The following CELF2 variants were observed in gnomAD, a reference collection of about 807,000 sequenced individuals.
CELF2 encodes the protein CUGBP Elav-like family member 2.
In CELF2, 8 loss-of-function variants were observed where a neutral mutation model predicts 62.6. That is an observed-to-expected ratio of 0.13 (90% CI 0.07 to 0.23). The LOEUF (loss-of-function observed/expected upper bound fraction) is 0.23. Among genes scored for constraint, CELF2 ranks in the 10% least tolerant of loss-of-function variants. The probability of loss-of-function intolerance (pLI) is 1.00; values close to 1 mark genes in which losing one functional copy is unlikely to be tolerated. For synonymous variants in CELF2, 258 were observed against 250.0 expected (o/e 1.03, Z -0.30); for missense variants, 333 against 671.0 (o/e 0.50, Z 5.56).
At chr10:10,899,833 A>T (rs530721434) in intron 1 of CELF2, among the ~76,000 whole-genome samples, 14 of 152,276 alleles carry the variant, frequency 9.2e-5, no homozygotes, top group Non-Finnish European at 1.8e-4. Flanking sequence ...CTCACTCACT[A>T]TCATGAGAAC....
chr10:10,892,958 G>A (rs1185560098), intron 1 of CELF2, among the ~76,000 whole-genome samples: 1 of 152,180 alleles, frequency 6.6e-6, no homozygotes, highest in East Asian at 1.9e-4. Context: ...CAAAGAAAGA[G>A]GAAAATGTTG....
intron 1 of CELF2, among the ~76,000 whole-genome samples, chr10:10,849,223 C>T (rs1564713822): frequency 6.6e-6 from 1 of 151,074 alleles, no homozygotes; most frequent in Admixed American, 6.6e-5. Flanking sequence ...ATAGTGAAAC[C>T]CTATCTCTAC....
chr10:10,621,397 A>T, the CELF2 span, among the ~76,000 whole-genome samples: 1 of 152,160 alleles, frequency 6.6e-6, no homozygotes, highest in Non-Finnish European at 1.5e-5. Context: ...AACATTCCCT[A>T]TGGCACATTT....
At chr10:10,864,649 G>C (rs766511199) in intron 1 of CELF2, among the ~76,000 whole-genome samples, 9 of 152,102 alleles carry the variant, frequency 5.9e-5, no homozygotes, top group Non-Finnish European at 1.3e-4. Context: ...TAAGGGCACT[G>C]ATTCCATTGT....
chr10:10,931,816 T>C lies in CELF2; in HGVS notation c.89+11817T>C, dbSNP rs1212902251. 6.6e-6 allele frequency among the ~76,000 whole-genome samples: 1 copy of C among 152,166 alleles called. No homozygotes were observed. The highest frequency in any genetic ancestry group is 1.9e-4 in the East Asian group (1 of 5,188). The stretch of plus-strand genomic sequence containing the variant: ...CACAACTGAGTAATTTATAAAGACA[T>C]GAGGTTTAATGGACTCACAGTTCCA... On this transcript the variant is annotated intron_variant, in intron 2 of 13. Coordinates refer to the CELF2 transcript ENST00000636488. This position sits in a 1 kb window ranked among gnomAD's most constrained non-coding sequence, Gnocchi z 6.1.
chr10:10,600,622 T>C, the CELF2 span, among the ~76,000 whole-genome samples: 15 of 152,108 alleles, frequency 9.9e-5, no homozygotes, highest in African/African-American at 3.4e-4. Flanking sequence ...ACAAACATAA[T>C]AATCCAAAAT....
At chr10:11,172,251 T>C (rs1419509028) in intron 2 of CELF2, among the ~76,000 whole-genome samples, 1 of 152,226 alleles carries the variant, frequency 6.6e-6, no homozygotes, top group Non-Finnish European at 1.5e-5. Flanking sequence ...TGTTACTTAC[T>C]GTGACATCCT....
chr10:10,658,486 A>G, the CELF2 span, among the ~76,000 whole-genome samples: 3 of 152,216 alleles, frequency 2.0e-5, no homozygotes, highest in African/African-American at 4.8e-5. Context: ...ACATAAATCT[A>G]TACATGCTGG....
At chr10:10,883,975 C>G (rs1385575568) in intron 1 of CELF2, among the ~76,000 whole-genome samples, 1 of 151,458 alleles carries the variant, frequency 6.6e-6, no homozygotes, top group Non-Finnish European at 1.5e-5. Flanking sequence ...TTTTGTCCTC[C>G]TCTCTCTACA....
chr10:10,560,384 C>A, the CELF2 span, among the ~76,000 whole-genome samples: 1 of 152,154 alleles, frequency 6.6e-6, no homozygotes, highest in Non-Finnish European at 1.5e-5. Context: ...CTATTACTAA[C>A]GGATTACCAA....
the CELF2 span, among the ~76,000 whole-genome samples, chr10:10,700,461 G>A: frequency 3.9e-5 from 6 of 152,154 alleles, no homozygotes; most frequent in African/African-American, 1.4e-4. Context: ...TTTAAAACAG[G>A]TGGGCTGACC....
At chr10:10,646,367 C>T in the CELF2 span, among the ~76,000 whole-genome samples, 24,637 of 152,254 alleles carry the variant, frequency 0.16, 2,149 homozygotes, top group South Asian at 0.24. Flanking sequence ...ACGAAAGCCA[C>T]GGCTAATTGA....
chr10:11,290,178 G>A lies in CELF2; in HGVS notation c.976+1626G>A, dbSNP rs1215645102. ...GGACAGATGTGCTGCCTACCTTCGG[G>A]AGTCCTTCAGTCCTTCAGGGACTTG... On this transcript the variant is annotated intron_variant, in intron 9 of 12. Transcript: ENST00000633077. This position sits in a 1 kb window ranked among gnomAD's most constrained non-coding sequence, Gnocchi z 4.3. Among the ~76,000 whole-genome samples the A allele has an allele frequency of 3.3e-5, 5 of 152,168 alleles. No individual in the cohort carries two copies. Among genetic ancestry groups the A allele is most frequent in the Admixed American group, 2.6e-4 (4 of 15,272 alleles).
At position 11,330,590 on chromosome 10, in the gene CELF2, G is replaced by C. The variant is rs1426144641; in HGVS notation, c.*1537G>C. The C allele has an allele frequency of 6.6e-6, 1 of 152,282 alleles. No individual in the cohort carries two copies. Among genetic ancestry groups the C allele is most frequent in the Non-Finnish European group, 1.5e-5 (1 of 67,994 alleles). 9.4% of individuals were successfully genotyped at this position (152,282 alleles called of 1,614,324 possible). On this transcript the variant is annotated 3_prime_UTR_variant, in exon 13 of 13. Coordinates refer to ENST00000633077, the MANE Select transcript of CELF2 (RefSeq NM_001326342.2). This position sits in a 1 kb window ranked among gnomAD's most constrained non-coding sequence, Gnocchi z 4.5. The stretch of plus-strand genomic sequence containing the variant: ...ATATTTGGTTCTCCTACTGACCTTT[G>C]ATCTAGTTTGACCTTTGAAATTTGC...
chr10:10,666,728 A>G, the CELF2 span, among the ~76,000 whole-genome samples: 40 of 122,968 alleles, frequency 3.3e-4, 9 homozygotes, highest in South Asian at 7.8e-4. Flanking sequence ...CGGGCGTGGT[A>G]GCGGGCGCCT....
In CELF2 at chr10:11,296,434, C is replaced by A. The variant is rs969444592; in HGVS notation, c.976+7882C>A. ...CACTAAATCACAGAAATTTTTATTT[C>A]TGTGATCTTGTATGATACAAACATG... is the stretch of plus-strand genomic sequence containing the variant. On this transcript the variant is annotated intron_variant, in intron 9 of 12. Coordinates refer to ENST00000633077, the MANE Select transcript of CELF2 (RefSeq NM_001326342.2). The surrounding 1 kb of genome is among the most constrained non-coding windows in gnomAD (Gnocchi z 5.0). Among the ~76,000 whole-genome samples the A allele has an allele frequency of 2.0e-5, 3 of 152,054 alleles. No individual in the cohort carries two copies. The highest frequency in any genetic ancestry group is 7.3e-5 in the African/African-American group (3 of 41,368).
intron 3 of CELF2, among the ~76,000 whole-genome samples, chr10:11,229,840 T>C (rs1380331082): frequency 4.6e-5 from 7 of 152,164 alleles, no homozygotes; most frequent in African/African-American, 7.2e-5. Flanking sequence ...TCCACCCACC[T>C]CAGCCTCTCA....
chr10:10,623,804 C>T, the CELF2 span, among the ~76,000 whole-genome samples: 1 of 152,092 alleles, frequency 6.6e-6, no homozygotes, highest in East Asian at 1.9e-4. Context: ...TTAATCCTTA[C>T]CGCAAATCTT....
intron 1 of CELF2, among the ~76,000 whole-genome samples, chr10:10,876,127 AT>A (rs1318110197): frequency 6.6e-6 from 1 of 152,188 alleles, no homozygotes; most frequent in Non-Finnish European, 1.5e-5. Flanking sequence ...GTTTAGAATC[AT>A]TTTTTATGAG....
Sources: gnomAD v4.1 joint callset for allele counts (sites outside exome capture counted in the v4.1 genomes callset) on GRCh38, gnomAD v4.1.1 for gene constraint, Gnocchi (gnomAD v3.1) non-coding constraint, MANE v1.5 for transcripts, NCBI Gene and HGNC (gene_info 2026-07-23, HGNC 2026-07-21) for gene names.